The following TMEM117 variants were observed in gnomAD, a reference collection of about 807,000 sequenced individuals.
TMEM117 encodes transmembrane protein 117.
In TMEM117, 27 loss-of-function variants were observed where a neutral mutation model predicts 52.4. The observed-to-expected ratio is 0.51, with a 90% confidence interval of 0.38 to 0.71. The LOEUF (loss-of-function observed/expected upper bound fraction) is 0.71, where lower values mean the gene tolerates loss of function less well. Ranked by LOEUF, TMEM117 falls within the 30% of genes least tolerant of loss-of-function variation. TMEM117 has a pLI of 0.00. For missense variants in TMEM117, 556 were observed against 630.5 expected, an observed-to-expected ratio of 0.88 and a Z score of 1.26; for synonymous variants, 215 against 206.3, an observed-to-expected ratio of 1.04 and a Z score of -0.36.
At chr12:43,990,304 A>T (rs1945917043) in intron 3 of TMEM117, among the ~76,000 whole-genome samples, 1 of 152,166 alleles carries the variant, frequency 6.6e-6, no homozygotes, top group South Asian at 2.1e-4. Flanking sequence ...TTTTTCTTGC[A>T]GTTTAAAAAC....
chr12:44,136,400 AT>A (rs1388139931), intron 3 of TMEM117, among the ~76,000 whole-genome samples: 2 of 152,156 alleles, frequency 1.3e-5, no homozygotes, highest in Non-Finnish European at 2.9e-5. Context: ...GAATTAAACT[AT>A]GAAAGAAACT....
intron 2 of TMEM117, among the ~76,000 whole-genome samples, chr12:43,890,878 C>G (rs1944091251): frequency 6.6e-6 from 1 of 152,058 alleles, no homozygotes; most frequent in South Asian, 2.1e-4. Context: ...ATTGATTTGT[C>G]TCAGTTCACT....
Position 43,864,089 on chromosome 12 carries a change from C to T in TMEM117, c.277+19161C>T, listed in dbSNP as rs542807659. On this transcript the variant is annotated intron_variant, in intron 2 of 7. Transcript: ENST00000266534. Reference sequence around the variant, plus strand: ...TCCCCCAGCAGTGCTGGCCCACCAGCGCTGCGCTGGATTTCTCACGGGGCT... The same window carrying T: ...TCCCCCAGCAGTGCTGGCCCACCAGTGCTGCGCTGGATTTCTCACGGGGCT... Among the ~76,000 whole-genome samples, 280 of 152,296 alleles carry T rather than the reference C, an allele frequency of 1.8e-3. 3 individuals are homozygous for T. Among genetic ancestry groups the T allele is most frequent in the African/African-American group, 6.4e-3 (268 of 41,584 alleles).
At chr12:43,865,584 C>A (rs956249705) in intron 2 of TMEM117, among the ~76,000 whole-genome samples, 4 of 151,796 alleles carry the variant, frequency 2.6e-5, no homozygotes, top group South Asian at 2.1e-4. Context: ...GTAATTCCAG[C>A]TACTAGAGGG....
At chr12:43,954,128 CAG>C (rs376316360) in intron 3 of TMEM117, among the ~76,000 whole-genome samples, 316 of 152,272 alleles carry the variant, frequency 2.1e-3, no homozygotes, top group African/African-American at 7.0e-3. Context: ...AACAATGTAT[CAG>C]AATTTCTGGG....
chr12:44,226,314 T>TG (rs558807257), intron 5 of TMEM117, among the ~76,000 whole-genome samples: 87 of 152,266 alleles, frequency 5.7e-4, no homozygotes, highest in Admixed American at 2.6e-3. Flanking sequence ...ATGGGATCAC[T>TG]GGGGCAGAGA....
At chr12:44,015,537 G>A (rs1007417674) in intron 3 of TMEM117, among the ~76,000 whole-genome samples, 2 of 152,042 alleles carry the variant, frequency 1.3e-5, no homozygotes, top group Non-Finnish European at 2.9e-5. Flanking sequence ...TCGCTAGAGG[G>A]CACTGTGGAT....
chr12:43,803,072 A>C, the TMEM117 span, among the ~76,000 whole-genome samples: 1 of 151,612 alleles, frequency 6.6e-6, no homozygotes, highest in African/African-American at 2.4e-5. Flanking sequence ...ACTATACAGT[A>C]ACAGTGAAGT....
At chr12:44,236,008 A>T (rs1949991029) in intron 5 of TMEM117, among the ~76,000 whole-genome samples, 1 of 151,756 alleles carries the variant, frequency 6.6e-6, no homozygotes, top group Admixed American at 6.6e-5. Flanking sequence ...CTCTGTAGCT[A>T]CTTTTGACAT....
chr12:43,951,601 C>T (rs767776348), intron 3 of TMEM117, among the ~76,000 whole-genome samples: 1 of 152,168 alleles, frequency 6.6e-6, no homozygotes, highest in Non-Finnish European at 1.5e-5. Flanking sequence ...TGTAGAAAGT[C>T]CACCAGCTCC....
chr12:44,150,867 G>A (rs2138220885), intron 4 of TMEM117, among the ~76,000 whole-genome samples: 1 of 152,110 alleles, frequency 6.6e-6, no homozygotes, highest in East Asian at 1.9e-4. Context: ...GGATTTCCGG[G>A]TAAAAAAGGT....
intron 3 of TMEM117, among the ~76,000 whole-genome samples, chr12:43,975,396 G>A (rs116028497): frequency 0.011 from 1,727 of 152,266 alleles, 34 homozygotes; most frequent in African/African-American, 0.039. Flanking sequence ...ATAGATAATA[G>A]TTATCAAGAC....
At chr12:43,843,162 ACCCTCTTCC>A (rs368865786) in intron 1 of TMEM117, among the ~76,000 whole-genome samples, 11 of 151,988 alleles carry the variant, frequency 7.2e-5, no homozygotes, top group Non-Finnish European at 1.0e-4. Context: ...TTTGTAAAGG[ACCCTCTTCC>A]CCCTCTTCCC....
intron 6 of TMEM117, among the ~76,000 whole-genome samples, chr12:44,374,848 TCTC>T (rs1055529934): frequency 6.6e-6 from 1 of 152,070 alleles, no homozygotes; most frequent in Non-Finnish European, 1.5e-5. Context: ...CAAGAAATCT[TCTC>T]CTCCTTAAAC....
At chr12:43,806,395 C>T in the TMEM117 span, 11 of 1,174,952 alleles carry the variant, frequency 9.4e-6, no homozygotes, top group Middle Eastern at 3.5e-4. Flanking sequence ...GACTGAGTGC[C>T]CGAGCGTCCC....
rs568095167 is a variant in TMEM117 at position 44,077,757 on chromosome 12, G to A, written c.411-65768G>A. Among the ~76,000 whole-genome samples, 6 of 152,034 alleles carry A rather than the reference G, an allele frequency of 3.9e-5. No individual in the cohort carries two copies. The East Asian group carries it at 9.7e-4, about 24-fold the overall frequency. On this transcript the variant is annotated intron_variant, in intron 3 of 7. Transcript: ENST00000266534. ...TGTGACCTTGAAAAAGATGCAAAAT[G>A]TTACTGCTTCATTCTTTTGGCATAG... is the stretch of plus-strand genomic sequence containing the variant.
chr12:44,257,237 T>G (rs545096589), intron 5 of TMEM117, among the ~76,000 whole-genome samples: 30 of 151,968 alleles, frequency 2.0e-4, no homozygotes, highest in African/African-American at 7.0e-4. Flanking sequence ...CCTGCTGCCC[T>G]GGGCTCAATA....
chr12:44,366,590 T>G (rs896925521), intron 6 of TMEM117, among the ~76,000 whole-genome samples: 4 of 152,114 alleles, frequency 2.6e-5, no homozygotes, highest in Admixed American at 6.6e-5. Flanking sequence ...GGATGAATGC[T>G]CTTGACCTAA....
At chr12:44,260,311 C>G (rs1208436104) in intron 5 of TMEM117, among the ~76,000 whole-genome samples, 1 of 152,112 alleles carries the variant, frequency 6.6e-6, no homozygotes, top group Admixed American at 6.6e-5. Flanking sequence ...TTGACTTGCC[C>G]TCTGGCTAAG....
Sources: allele counts gnomAD v4.1 joint callset (sites outside exome capture counted in the v4.1 genomes callset), GRCh38; gene constraint gnomAD v4.1.1; transcripts MANE v1.5; gene names NCBI Gene and HGNC (gene_info 2026-07-23, HGNC 2026-07-21).